PTER: variants seen among roughly 807,000 people sequenced by gnomAD.
The protein encoded by PTER is phosphotriesterase related.
A neutral mutation model predicts 29.6 loss-of-function variants in PTER; 38 were observed. That is an observed-to-expected ratio of 1.28 (90% CI 0.99 to 1.68). The LOEUF (loss-of-function observed/expected upper bound fraction) is 1.68, where lower values mean the gene tolerates loss of function less well. Ranked by LOEUF, PTER falls within the 40% of genes most tolerant of loss-of-function variation. The probability of loss-of-function intolerance (pLI) is 0.00; values close to 1 mark genes in which losing one functional copy is unlikely to be tolerated. For synonymous variants in PTER, 172 were observed against 154.5 expected (o/e 1.11, Z -0.84); for missense variants, 482 against 427.8 (o/e 1.13, Z -1.12).
At chr10:16,468,581 A>G (rs6602122) in intron 1 of PTER, among the ~76,000 whole-genome samples, 92,639 of 152,036 alleles carry the variant, frequency 0.61, 29,088 homozygotes, top group East Asian at 0.81. Context: ...GATGTTCGCT[A>G]AATACATACT....
intron 1 of PTER, among the ~76,000 whole-genome samples, chr10:16,456,859 A>AGGTG (rs1554787493): frequency 1.8e-5 from 1 of 56,134 alleles, no homozygotes; most frequent in African/African-American, 1.1e-4. Context: ...ACCATGGGGA[A>AGGTG]GGTGGGGGGG....
intron 1 of PTER, among the ~76,000 whole-genome samples, chr10:16,439,754 G>A (rs1296909454): frequency 6.6e-6 from 1 of 152,000 alleles, no homozygotes; most frequent in African/African-American, 2.4e-5. Flanking sequence ...AGAGATGGGG[G>A]GTCTTGTTTT....
In PTER at chr10:16,486,355, A is replaced by G. The variant is rs34687017; in HGVS notation, c.436A>G (p.Thr146Ala). Residue 146 changes from threonine to alanine, a missense_variant, in exon 3 of 5, where the codon ACC becomes GCC. Thr to Ala is a moderately conservative substitution (Grantham distance 58). Transcript: ENST00000535784. ...ATTCCTTCTCACTCTTCCTTAGCTT[A>G]CCGATGTCCTTATGAATGAAATTCT... is the stretch of plus-strand genomic sequence containing the variant. ...ETRAMSVEQL[T>A]DVLMNEILHG... 3,327 of 1,612,590 alleles carry G rather than the reference A, an allele frequency of 2.1e-3. 67 individuals carry two copies. In the African/African-American group the frequency reaches 0.039, roughly 19 times the overall value.
chr10:16,479,887 A>C, intron 1 of PTER, among the ~76,000 whole-genome samples: 1 of 151,546 alleles, frequency 6.6e-6, no homozygotes, highest in Non-Finnish European at 1.5e-5. Context: ...GTCTGCAAAA[A>C]ACCCTGAGAT....
Position 16,488,344 on chromosome 10 carries a change from T to C in PTER, c.698+1727T>C, listed in dbSNP as rs117520052. On this transcript the variant is annotated intron_variant, in intron 3 of 4. Coordinates refer to ENST00000535784, the MANE Select transcript of PTER (RefSeq NM_001261836.2). ...ATTTAAAACAATGTATTTTATAATG[T>C]TGCCTTGTATGATATGGGATATATG... 3.5e-3 allele frequency among the ~76,000 whole-genome samples: 526 copies of C among 152,296 alleles called. 2 individuals are homozygous for C. Among genetic ancestry groups the C allele is most frequent in the Non-Finnish European group, 5.4e-3 (366 of 68,018 alleles).
Position 16,505,173 on chromosome 10 carries a change from AAGCCTCTCATAGCATTCCCTTTCCCT to A in PTER, c.839+18_839+43del, listed in dbSNP as rs771350759. 1 of 1,613,308 alleles carries A rather than the reference AAGCCTCTCATAGCATTCCCTTTCCCT, an allele frequency of 6.2e-7. No homozygotes were observed. The highest frequency in any genetic ancestry group is 8.5e-7 in the Non-Finnish European group (1 of 1,179,578). ...AAAGAATTAGAAGGTAAATATGGTAAAGCCTCTCATAGCATTCCCTTTCCCTAGCCCTTTTTGATTGTCATATCTAG... is the reference window on the plus strand; with the variant it reads ...AAAGAATTAGAAGGTAAATATGGTAAAGCCCTTTTTGATTGTCATATCTAG... On this transcript the variant is annotated intron_variant, in intron 4 of 4. Transcript: ENST00000535784.
intron 1 of PTER, among the ~76,000 whole-genome samples, chr10:16,465,626 A>C (rs1304866302): frequency 6.6e-6 from 1 of 152,182 alleles, no homozygotes; most frequent in African/African-American, 2.4e-5. Context: ...TGAAGGGTGG[A>C]TAGAACAGAA....
chr10:16,482,120 A>G (rs1229949963), intron 1 of PTER, among the ~76,000 whole-genome samples: 1 of 152,222 alleles, frequency 6.6e-6, no homozygotes, highest in African/African-American at 2.4e-5. Context: ...ACTATCAAAC[A>G]AAATCAATGG....
intron 1 of PTER, among the ~76,000 whole-genome samples, chr10:16,457,448 C>T (rs1464441978): frequency 6.6e-6 from 1 of 152,078 alleles, no homozygotes; most frequent in Non-Finnish European, 1.5e-5. Context: ...CTCCTGTCCT[C>T]GTGATCCGCC....
intron 1 of PTER, among the ~76,000 whole-genome samples, chr10:16,461,662 C>T (rs1834617716): frequency 6.6e-6 from 1 of 152,128 alleles, no homozygotes; most frequent in Non-Finnish European, 1.5e-5. Flanking sequence ...AAATTTGTTA[C>T]TTTGAGTTCT....
At chr10:16,498,815 A>G (rs192305173) in intron 3 of PTER, among the ~76,000 whole-genome samples, 84 of 152,306 alleles carry the variant, frequency 5.5e-4, no homozygotes, top group Non-Finnish European at 1.0e-3. Flanking sequence ...TGAAAAAGAA[A>G]GTCACTTGCA....
Position 16,456,137 on chromosome 10 carries a change from C to T in PTER, c.-49+19090C>T, listed in dbSNP as rs553373326. Among the ~76,000 whole-genome samples, 240 of 152,280 alleles carry T rather than the reference C, an allele frequency of 1.6e-3. No homozygotes were observed. The Middle Eastern group carries it at 0.02, about 13-fold the overall frequency. On this transcript the variant is annotated intron_variant, in intron 1 of 4. Coordinates refer to ENST00000535784, the MANE Select transcript of PTER (RefSeq NM_001261836.2). ...CTTCTGTTAATGCTACCAGAGAGTA[C>T]ATATTCTAAATCTGTTCACCTGTGT...
At chr10:16,442,512 G>A (rs1833882967) in intron 1 of PTER, among the ~76,000 whole-genome samples, 1 of 152,216 alleles carries the variant, frequency 6.6e-6, no homozygotes, top group African/African-American at 2.4e-5. Context: ...GGCTCATGCT[G>A]TAATCCCGGC....
intron 4 of PTER, among the ~76,000 whole-genome samples, chr10:16,508,722 C>T (rs748813252): frequency 7.9e-5 from 12 of 152,208 alleles, no homozygotes; most frequent in African/African-American, 1.4e-4. Flanking sequence ...CTATTCCATA[C>T]GTACGTGTAT....
rs551133890 is a variant in PTER at position 16,452,062 on chromosome 10, T to A, written c.-49+15015T>A. Reference sequence around the variant, plus strand: ...TTTAGCTCCATCCTAAACAATAATATCTATGAAATCACAGGCTTGCAATGT... The same window carrying A: ...TTTAGCTCCATCCTAAACAATAATAACTATGAAATCACAGGCTTGCAATGT... On this transcript the variant is annotated intron_variant, in intron 1 of 4. Transcript: ENST00000535784. Among the ~76,000 whole-genome samples, 60 of 152,254 alleles carry A rather than the reference T, an allele frequency of 3.9e-4. 1 individual carries two copies. The highest frequency in any genetic ancestry group is 1.4e-3 in the African/African-American group (58 of 41,568).
chr10:16,509,587 T>C (rs1836731282), intron 4 of PTER, among the ~76,000 whole-genome samples: 1 of 152,200 alleles, frequency 6.6e-6, no homozygotes, highest in South Asian at 2.1e-4. Flanking sequence ...TTCTTTGCAG[T>C]TGTGGATCAA....
At chr10:16,475,691 G>A (rs988361500) in intron 1 of PTER, among the ~76,000 whole-genome samples, 8 of 152,168 alleles carry the variant, frequency 5.3e-5, no homozygotes, top group Non-Finnish European at 8.8e-5. Flanking sequence ...CACATTCATC[G>A]AAAACGTCAT....
chr10:16,440,439 A>C (rs528116619), intron 1 of PTER, among the ~76,000 whole-genome samples: 2 of 152,308 alleles, frequency 1.3e-5, no homozygotes, highest in East Asian at 3.9e-4. Flanking sequence ...AGAAAAATAA[A>C]ATATCTGGTT....
chr10:16,445,837 C>T (rs557403145), intron 1 of PTER, among the ~76,000 whole-genome samples: 1 of 152,048 alleles, frequency 6.6e-6, no homozygotes, highest in Non-Finnish European at 1.5e-5. Flanking sequence ...AGGACACTGC[C>T]TCCTGAGGGG....
Sources: gnomAD v4.1 joint callset for allele counts (sites outside exome capture counted in the v4.1 genomes callset) on GRCh38, gnomAD v4.1.1 for gene constraint, MANE v1.5 for transcripts, NCBI Gene and HGNC (gene_info 2026-07-23, HGNC 2026-07-21) for gene names.